NDST4: variants seen among roughly 807,000 people sequenced by gnomAD.
The protein encoded by NDST4 is N-heparan sulfate sulfotransferase 4.
In NDST4, 63 loss-of-function variants were observed where a neutral mutation model predicts 100.8. The observed-to-expected ratio is 0.62, with a 90% CI of 0.51 to 0.77. The LOEUF is 0.77. NDST4 is among the 30% of genes least tolerant of loss of function. NDST4 has a pLI of 0.00. For missense variants in NDST4, 943 were observed against 1,018.4 expected (o/e 0.93, Z 1.01); for synonymous variants, 377 against 361.8 (o/e 1.04, Z -0.48).
chr4:115,026,538 T>G (rs1320697003), intron 2 of NDST4, among the ~76,000 whole-genome samples: 2 of 152,064 alleles, frequency 1.3e-5, no homozygotes, highest in Non-Finnish European at 2.9e-5. Context: ...TTCAAAGAAA[T>G]CACAGTTAAA....
At chr4:114,965,097 C>T (rs559172175) in intron 4 of NDST4, among the ~76,000 whole-genome samples, 1 of 152,078 alleles carries the variant, frequency 6.6e-6, no homozygotes, top group Non-Finnish European at 1.5e-5. Flanking sequence ...TATTTGTTCA[C>T]AATTTTGTTT....
chr4:114,882,427 G>A (rs536150462), intron 6 of NDST4, among the ~76,000 whole-genome samples: 10 of 152,184 alleles, frequency 6.6e-5, no homozygotes, highest in African/African-American at 2.4e-4. Flanking sequence ...TCCCTGAGAA[G>A]TGCAGCATTT....
chr4:114,872,515 A>G (rs988423179), intron 6 of NDST4, among the ~76,000 whole-genome samples: 4 of 152,012 alleles, frequency 2.6e-5, no homozygotes, highest in African/African-American at 4.8e-5. Context: ...ATACTGAAAA[A>G]AATATCTGAA....
intron 2 of NDST4, among the ~76,000 whole-genome samples, chr4:114,993,261 G>A (rs900099446): frequency 2.0e-5 from 3 of 151,938 alleles, no homozygotes; most frequent in Admixed American, 6.6e-5. Flanking sequence ...TACTAAAGTG[G>A]ATCTAATTTT....
At chr4:114,990,885 T>C (rs150630176) in intron 2 of NDST4, among the ~76,000 whole-genome samples, 10 of 152,220 alleles carry the variant, frequency 6.6e-5, no homozygotes, top group African/African-American at 2.2e-4. Flanking sequence ...TGTGCCATAT[T>C]AGGTTTATTT....
At chr4:115,058,969 A>G (rs1728758756) in intron 2 of NDST4, among the ~76,000 whole-genome samples, 1 of 145,000 alleles carries the variant, frequency 6.9e-6, no homozygotes, top group Non-Finnish European at 1.5e-5. Flanking sequence ...CTGTGGAAAG[A>G]GTTCTGAAGC....
intron 2 of NDST4, among the ~76,000 whole-genome samples, chr4:114,987,583 A>G (rs1305749812): frequency 1.3e-5 from 2 of 152,184 alleles, no homozygotes; most frequent in Non-Finnish European, 2.9e-5. Context: ...TGGTAAACCA[A>G]ACTATGATCC....
intron 6 of NDST4, among the ~76,000 whole-genome samples, chr4:114,892,171 C>A (rs1724612381): frequency 6.6e-6 from 1 of 152,058 alleles, no homozygotes; most frequent in Non-Finnish European, 1.5e-5. Context: ...TTGAGTTTTA[C>A]CTATCCTTAT....
intron 6 of NDST4, among the ~76,000 whole-genome samples, chr4:114,922,556 T>A (rs538229579): frequency 9.8e-5 from 15 of 152,324 alleles, no homozygotes; most frequent in African/African-American, 3.1e-4. Context: ...CTTCCTTTTG[T>A]TCCTGCTCTA....
intron 7 of NDST4, among the ~76,000 whole-genome samples, chr4:114,864,018 A>C (rs182991512): frequency 1.3e-5 from 2 of 152,270 alleles, no homozygotes; most frequent in Admixed American, 1.3e-4. Context: ...TTTTTATAGG[A>C]TGCATTAAAA....
At chr4:114,938,064 T>A (rs913204717) in intron 4 of NDST4, among the ~76,000 whole-genome samples, 5 of 152,188 alleles carry the variant, frequency 3.3e-5, no homozygotes, top group African/African-American at 1.2e-4. Flanking sequence ...AAGAACCTAG[T>A]GACAGCATGT....
At chr4:114,915,449 A>G (rs1189066573) in intron 6 of NDST4, among the ~76,000 whole-genome samples, 1 of 152,232 alleles carries the variant, frequency 6.6e-6, no homozygotes, top group African/African-American at 2.4e-5. Flanking sequence ...TTCCTTTTTA[A>G]TAATAATCTT....
intron 2 of NDST4, among the ~76,000 whole-genome samples, chr4:115,014,375 A>T (rs1215053461): frequency 6.6e-6 from 1 of 152,096 alleles, no homozygotes; most frequent in African/African-American, 2.4e-5. Context: ...ATAAGATGGT[A>T]CGGAGTAAAT....
intron 6 of NDST4, among the ~76,000 whole-genome samples, chr4:114,884,748 A>G (rs1724441821): frequency 6.6e-6 from 1 of 152,200 alleles, no homozygotes; most frequent in South Asian, 2.1e-4. Context: ...CATAGAAAGC[A>G]TATGAATGGT....
At chr4:115,015,987 T>C (rs1312408403) in intron 2 of NDST4, among the ~76,000 whole-genome samples, 1 of 152,038 alleles carries the variant, frequency 6.6e-6, no homozygotes, top group African/African-American at 2.4e-5. Context: ...CTTACTGAAA[T>C]AGACATTCTG....
chr4:115,111,543 C>A (rs1434586264), intron 1 of NDST4, among the ~76,000 whole-genome samples: 1 of 151,398 alleles, frequency 6.6e-6, no homozygotes, highest in African/African-American at 2.4e-5. Context: ...TTGGAGAAAA[C>A]AAAATGTAAT....
intron 6 of NDST4, among the ~76,000 whole-genome samples, chr4:114,932,572 T>C (rs972094108): frequency 6.6e-6 from 1 of 151,988 alleles, no homozygotes; most frequent in Non-Finnish European, 1.5e-5. Context: ...TGTTTGCAGA[T>C]AACATGCTCT....
chr4:114,829,612 C>T (rs573427116), intron 13 of NDST4, among the ~76,000 whole-genome samples, 178 bp downstream of exon 13: 5 of 152,048 alleles, frequency 3.3e-5, no homozygotes, highest in South Asian at 2.1e-4. Flanking sequence ...ATCTATCTAC[C>T]GATCTCTATC....
At chr4:114,955,577 T>C (rs1726119536) in intron 4 of NDST4, among the ~76,000 whole-genome samples, 2 of 152,180 alleles carry the variant, frequency 1.3e-5, no homozygotes, top group South Asian at 2.1e-4. Context: ...AAGATGCTGC[T>C]GCCATAAATT....
Sources: gnomAD v4.1 joint callset for allele counts (sites outside exome capture counted in the v4.1 genomes callset) on GRCh38, gnomAD v4.1.1 for gene constraint, MANE v1.5 for transcripts, NCBI Gene and HGNC (gene_info 2026-07-23, HGNC 2026-07-21) for gene names.